GLCCI1: variants seen among roughly 807,000 people sequenced by gnomAD.
GLCCI1 encodes glucocorticoid-induced transcript 1 protein.
Under a neutral mutation model 52.2 loss-of-function variants are expected in GLCCI1, and 24 were observed. That is an observed-to-expected ratio of 0.46 (90% confidence interval 0.33 to 0.65). GLCCI1 has a LOEUF of 0.65. GLCCI1 is among the 30% of genes least tolerant of loss of function. The pLI, the probability that GLCCI1 is intolerant of heterozygous loss-of-function variation, is 0.02. For missense variants in GLCCI1, 704 were observed against 701.5 expected (o/e 1.00, Z -0.04); for synonymous variants, 310 against 276.5 (o/e 1.12, Z -1.20).
At chr7:8,042,742 T>A (rs1782029746) in intron 3 of GLCCI1, among the ~76,000 whole-genome samples, 1 of 152,218 alleles carries the variant, frequency 6.6e-6, no homozygotes, top group Admixed American at 6.5e-5. Context: ...GTAAGTGGTT[T>A]CTTAAGTAGG....
chr7:8,037,941 TA>T lies in GLCCI1; in HGVS notation c.696+15373del, dbSNP rs112719724. Reference sequence around the variant, plus strand: ...CAGATAGTAATACAATAATAGTGGATAGGGGACTTCAGCCCCCCACTGACAG... The same window carrying T: ...CAGATAGTAATACAATAATAGTGGATGGGGACTTCAGCCCCCCACTGACAG... On this transcript the variant is annotated intron_variant, in intron 3 of 7. Coordinates refer to ENST00000223145, the MANE Select transcript of GLCCI1 (RefSeq NM_138426.4). Among the ~76,000 whole-genome samples the T allele has an allele frequency of 3.3e-5, 5 of 152,296 alleles. 1 individual carries two copies. Among genetic ancestry groups the T allele is most frequent in the Admixed American group, 1.3e-4 (2 of 15,282 alleles).
chr7:8,040,714 C>A (rs1158628137), intron 3 of GLCCI1, among the ~76,000 whole-genome samples: 1 of 152,130 alleles, frequency 6.6e-6, no homozygotes, highest in East Asian at 1.9e-4. Context: ...ATTTAGCATA[C>A]AACCCAACAA....
Position 8,061,553 on chromosome 7 carries a change from A to G in GLCCI1, c.966+1305A>G, listed in dbSNP as rs570164199. 5.3e-5 allele frequency among the ~76,000 whole-genome samples: 8 copies of G among 151,062 alleles called. No individual in the cohort carries two copies. In the South Asian group the frequency reaches 1.5e-3, roughly 28 times the overall value. On this transcript the variant is annotated intron_variant, in intron 5 of 7. Coordinates refer to ENST00000223145, the MANE Select transcript of GLCCI1 (RefSeq NM_138426.4). The stretch of plus-strand genomic sequence containing the variant: ...AATTACCCTCCCAAAAGGTTGTACT[A>G]TTTGACTCTCCTTCAACATTTCATG...
chr7:8,067,677 A>C (rs763257926), intron 5 of GLCCI1, among the ~76,000 whole-genome samples: 1 of 151,996 alleles, frequency 6.6e-6, no homozygotes, highest in African/African-American at 2.4e-5. Context: ...ATAGGCTCCA[A>C]TCTCTTTTGG....
intron 5 of GLCCI1, 193 bp from the exon 6 acceptor site, chr7:8,070,728 T>TA (rs1782742913): frequency 3.6e-6 from 2 of 558,178 alleles, no homozygotes; most frequent in Non-Finnish European, 6.4e-6. Context: ...CAATTTGATT[T>TA]AAAAGAAATG....
At position 8,086,675 on chromosome 7, in the gene GLCCI1, T is replaced by C. The variant is rs1032966722; in HGVS notation, c.*137T>C. 4.1e-6 allele frequency: 3 copies of C among 732,816 alleles called. No homozygotes were observed. The highest frequency in any genetic ancestry group is 4.4e-6 in the Non-Finnish European group (2 of 456,620). The allele number at this position is 732,816 out of a possible 1,614,324, so 45.4% of individuals were successfully genotyped here. A position where few individuals can be genotyped will look rare whatever the true frequency, so the allele number is the denominator to read the frequency against. ...GCATCATAAAGTATCTCTTAAACAC[T>C]GATCTTGGCAGGGACGGAACTCCTA... On this transcript the variant is annotated 3_prime_UTR_variant, in exon 8 of 8. Transcript: ENST00000223145. The surrounding 1 kb of genome is among the most constrained non-coding windows in gnomAD (Gnocchi z 4.4).
intron 3 of GLCCI1, among the ~76,000 whole-genome samples, chr7:8,052,286 C>T (rs905515514): frequency 2.0e-5 from 3 of 152,128 alleles, no homozygotes; most frequent in African/African-American, 7.2e-5. Context: ...AGATGGCACC[C>T]TAGGGCAGGT....
intron 1 of GLCCI1, among the ~76,000 whole-genome samples, chr7:7,992,049 T>TTCTC (rs1459389071): frequency 3.0e-5 from 3 of 99,398 alleles, no homozygotes; most frequent in African/African-American, 1.2e-4. Context: ...TATTTTTTCT[T>TTCTC]TCTTTCTTTC....
chr7:8,026,168 T>C (rs1011195716), intron 3 of GLCCI1, among the ~76,000 whole-genome samples: 1 of 152,156 alleles, frequency 6.6e-6, no homozygotes, highest in Admixed American at 6.5e-5. Context: ...TCTATTTGAC[T>C]GATATTAAGT....
intron 2 of GLCCI1, among the ~76,000 whole-genome samples, chr7:8,021,512 A>G (rs186687314): frequency 3.2e-4 from 48 of 152,002 alleles, no homozygotes; most frequent in African/African-American, 1.1e-3. Context: ...TCCCGGGTTC[A>G]AGTGATTCTC....
At chr7:8,019,631 G>A (rs1288250693) in intron 2 of GLCCI1, among the ~76,000 whole-genome samples, 1 of 152,112 alleles carries the variant, frequency 6.6e-6, no homozygotes, top group Non-Finnish European at 1.5e-5. Flanking sequence ...ATCATAGAGT[G>A]TACTTACACA....
chr7:8,000,317 C>G (rs1463552022), intron 1 of GLCCI1, among the ~76,000 whole-genome samples: 2 of 151,976 alleles, frequency 1.3e-5, no homozygotes, highest in Non-Finnish European at 2.9e-5. Flanking sequence ...GAAAAATATT[C>G]AAAAAGTTAA....
intron 3 of GLCCI1, among the ~76,000 whole-genome samples, chr7:8,045,714 T>C (rs1304686729): frequency 2.6e-5 from 4 of 152,176 alleles, no homozygotes. Context: ...GGCACCTGAA[T>C]TAGAGCTCTA....
chr7:7,993,821 T>C (rs955803786), intron 1 of GLCCI1, among the ~76,000 whole-genome samples: 2 of 152,030 alleles, frequency 1.3e-5, no homozygotes, highest in African/African-American at 4.8e-5. Flanking sequence ...AAGTCAAATA[T>C]GCATTTAATA....
At chr7:8,081,061 G>T (rs567000804) in intron 6 of GLCCI1, among the ~76,000 whole-genome samples, 1 of 152,090 alleles carries the variant, frequency 6.6e-6, no homozygotes, top group Non-Finnish European at 1.5e-5. Context: ...AGAGGGATCA[G>T]ACTTACCCTA....
intron 3 of GLCCI1, among the ~76,000 whole-genome samples, chr7:8,053,278 A>G (rs371363186): frequency 7.0e-6 from 1 of 142,032 alleles, no homozygotes; most frequent in South Asian, 2.2e-4. Context: ...CTTATTTCCT[A>G]CCTTTTCATG....
intron 1 of GLCCI1, among the ~76,000 whole-genome samples, chr7:7,978,919 C>T (rs757247053): frequency 6.6e-6 from 1 of 152,078 alleles, no homozygotes; most frequent in African/African-American, 2.4e-5. Context: ...TTTATATTAG[C>T]TAATTATAAA....
At position 8,030,642 on chromosome 7, in the gene GLCCI1, G is replaced by A. The variant is rs187647969; in HGVS notation, c.696+8073G>A. Among the ~76,000 whole-genome samples, 379 of 152,096 alleles carry A rather than the reference G, an allele frequency of 2.5e-3. 2 individuals are homozygous for A. The highest frequency in any genetic ancestry group is 8.7e-3 in the African/African-American group (363 of 41,512). On this transcript the variant is annotated intron_variant, in intron 3 of 7. Coordinates refer to ENST00000223145, the MANE Select transcript of GLCCI1 (RefSeq NM_138426.4). ...TATTTGCAAACTACCCACCTAACAA[G>A]GGATTAACAAACAGAATATATAAGG...
intron 6 of GLCCI1, among the ~76,000 whole-genome samples, chr7:8,076,488 C>A (rs947024401): frequency 1.3e-5 from 2 of 152,154 alleles, no homozygotes; most frequent in Non-Finnish European, 2.9e-5. Context: ...TCTTAAGATA[C>A]ATACATTCCA....
Sources: allele counts gnomAD v4.1 joint callset (sites outside exome capture counted in the v4.1 genomes callset), GRCh38; gene constraint gnomAD v4.1.1; non-coding constraint Gnocchi (gnomAD v3.1); transcripts MANE v1.5; gene names NCBI Gene and HGNC (gene_info 2026-07-23, HGNC 2026-07-21).